Variants in LAMA2 observed in about 807,000 individuals in gnomAD.
LAMA2 encodes laminin subunit alpha-2.
A neutral mutation model predicts 364.8 loss-of-function variants in LAMA2; 269 were observed. That is an observed-to-expected ratio of 0.74 (90% CI 0.67 to 0.82). LAMA2 has a LOEUF of 0.82. LAMA2 is among the 40% of genes least tolerant of loss of function. The pLI is 0.00. For synonymous variants in LAMA2, 1,379 were observed against 1,370.6 expected, an observed-to-expected ratio of 1.01 and a Z score of -0.14; for missense variants, 3,807 against 3,873.2, an observed-to-expected ratio of 0.98 and a Z score of 0.45.
chr6:129,111,397 G>T (rs1776151082), intron 4 of LAMA2, among the ~76,000 whole-genome samples: 1 of 151,962 alleles, frequency 6.6e-6, no homozygotes, highest in Non-Finnish European at 1.5e-5. Flanking sequence ...AAGGTTATAA[G>T]TTAGAAAATT....
At chr6:129,244,444 A>G (rs1785608582) in intron 12 of LAMA2, among the ~76,000 whole-genome samples, 2 of 152,092 alleles carry the variant, frequency 1.3e-5, no homozygotes, top group South Asian at 2.1e-4. Flanking sequence ...TTGTGATCCT[A>G]AATGGAAATT....
At chr6:128,896,780 G>A (rs1029368633) in intron 1 of LAMA2, among the ~76,000 whole-genome samples, 4 of 152,014 alleles carry the variant, frequency 2.6e-5, no homozygotes, top group Non-Finnish European at 5.9e-5. Flanking sequence ...TGCCCTCACA[G>A]GCTATTCTTT....
chr6:129,152,281 A>G (rs1452177685), intron 7 of LAMA2, among the ~76,000 whole-genome samples: 1 of 152,186 alleles, frequency 6.6e-6, no homozygotes, highest in Non-Finnish European at 1.5e-5. Context: ...TTGAATGCTT[A>G]TTATGTCCAG....
intron 1 of LAMA2, chr6:128,929,510 A>G: frequency 1.2e-6 from 1 of 865,526 alleles, no homozygotes. Context: ...GACCAGATCG[A>G]TTCTGCTTGT....
At chr6:129,089,369 C>A (rs1399074935) in intron 3 of LAMA2, among the ~76,000 whole-genome samples, 1 of 152,216 alleles carries the variant, frequency 6.6e-6, no homozygotes, top group Non-Finnish European at 1.5e-5. Flanking sequence ...TGTGTAGGTT[C>A]ATCTTACCTT....
rs1354845325 is a variant in LAMA2, at chr6:129,263,168, A to G, written c.2208+2346A>G. On this transcript the variant is annotated intron_variant, in intron 15 of 64. Transcript: ENST00000421865. ...GTTTGTTCGTACTTTCATTTAGCTG[A>G]CTAGTATTTGATGAGCGTGTATTTT... is the stretch of plus-strand genomic sequence containing the variant. Among the ~76,000 whole-genome samples the G allele has an allele frequency of 3.3e-5, 5 of 152,160 alleles. No individual in the cohort carries two copies. In the East Asian group the frequency reaches 9.6e-4, roughly 29 times the overall value.
chr6:129,110,446 G>T (rs1363145940), intron 4 of LAMA2, among the ~76,000 whole-genome samples: 1 of 151,972 alleles, frequency 6.6e-6, no homozygotes, highest in Admixed American at 6.6e-5. Flanking sequence ...TACCTAAGTA[G>T]AATTTAAGCC....
intron 1 of LAMA2, among the ~76,000 whole-genome samples, chr6:128,900,593 T>C (rs1423298568): frequency 6.6e-6 from 1 of 152,134 alleles, no homozygotes; most frequent in East Asian, 1.9e-4. Context: ...CTAAAGAGAA[T>C]TTACCAGGAC....
intron 58 of LAMA2, among the ~76,000 whole-genome samples, chr6:129,492,824 G>A (rs1040298715): frequency 6.6e-6 from 1 of 152,096 alleles, no homozygotes; most frequent in Non-Finnish European, 1.5e-5. Flanking sequence ...TATACAATTT[G>A]GTGTCCTGTT....
intron 40 of LAMA2, among the ~76,000 whole-genome samples, chr6:129,408,501 T>C (rs1383217207): frequency 6.6e-6 from 1 of 152,098 alleles, no homozygotes; most frequent in Non-Finnish European, 1.5e-5. Context: ...TTCTGGGAGT[T>C]CACGGATGGT....
At chr6:128,923,436 G>T (rs1017952290) in intron 1 of LAMA2, among the ~76,000 whole-genome samples, 3 of 151,470 alleles carry the variant, frequency 2.0e-5, no homozygotes, top group African/African-American at 7.3e-5. Context: ...TCCCTTGTAA[G>T]TTGGATTCCT....
chr6:129,180,120 C>G (rs1001059814), intron 10 of LAMA2, among the ~76,000 whole-genome samples: 2 of 151,962 alleles, frequency 1.3e-5, no homozygotes, highest in East Asian at 3.9e-4. Flanking sequence ...ACAGTTCATA[C>G]TGTTTCACAA....
intron 16 of LAMA2, among the ~76,000 whole-genome samples, chr6:129,268,807 A>G (rs1450356722): frequency 4.6e-5 from 7 of 152,088 alleles, no homozygotes; most frequent in African/African-American, 1.7e-4. Flanking sequence ...TGAATTTTCC[A>G]TCATAGCTAG....
chr6:129,516,411 T>C lies in LAMA2; in HGVS notation c.*64T>C. On this transcript the variant is annotated 3_prime_UTR_variant, in exon 65 of 65. Transcript: ENST00000421865. ...AAGTATATCAAGTAAAACAAACAAA[T>C]ATATTTTACCTATATATGTTAATTA... is the stretch of plus-strand genomic sequence containing the variant. The C allele has an allele frequency of 1.3e-6, 2 of 1,486,814 alleles. No homozygotes were observed. Among genetic ancestry groups the C allele is most frequent in the Non-Finnish European group, 9.3e-7 (1 of 1,079,382 alleles). The allele number at this position is 1,486,814 out of a possible 1,614,324, so 92.1% of individuals were successfully genotyped here.
At chr6:128,902,377 G>A (rs1430474489) in intron 1 of LAMA2, among the ~76,000 whole-genome samples, 1 of 152,090 alleles carries the variant, frequency 6.6e-6, no homozygotes, top group Non-Finnish European at 1.5e-5. Context: ...CACTATTGAT[G>A]TCCCAACTGG....
intron 1 of LAMA2, among the ~76,000 whole-genome samples, chr6:128,913,861 C>A (rs1259920967): frequency 6.6e-6 from 1 of 152,076 alleles, no homozygotes; most frequent in Non-Finnish European, 1.5e-5. Flanking sequence ...GTTATGGAAA[C>A]GCTCTATATT....
chr6:129,094,303 A>G (rs1188306602), intron 3 of LAMA2, among the ~76,000 whole-genome samples: 1 of 152,236 alleles, frequency 6.6e-6, no homozygotes, highest in Non-Finnish European at 1.5e-5. Context: ...TTAATTTTGC[A>G]TGGAATGTGA....
At chr6:129,427,708 A>T in intron 40 of LAMA2, 44 bp from the exon 41 acceptor site, 4 of 1,415,318 alleles carry the variant, frequency 2.8e-6, no homozygotes, top group Non-Finnish European at 4.0e-6. Context: ...CCACTCCATT[A>T]TTCTATGGTT....
intron 55 of LAMA2, among the ~76,000 whole-genome samples, chr6:129,481,773 G>C (rs778217620): frequency 6.6e-6 from 1 of 152,076 alleles, no homozygotes; most frequent in Admixed American, 6.6e-5. Context: ...CTCCAAGTCC[G>C]ACTCCTTACC....
Sources: allele counts gnomAD v4.1 joint callset (sites outside exome capture counted in the v4.1 genomes callset), GRCh38; gene constraint gnomAD v4.1.1; transcripts MANE v1.5; gene names NCBI Gene and HGNC (gene_info 2026-07-23, HGNC 2026-07-21).